Variants in KCNIP4 observed in about 807,000 individuals in gnomAD.
KCNIP4 encodes the protein potassium voltage-gated channel interacting protein 4, also known as Kv channel-interacting protein 4.
A neutral mutation model predicts 34.0 loss-of-function variants in KCNIP4; 12 were observed. That is an observed-to-expected ratio of 0.35 (90% CI 0.23 to 0.57). KCNIP4 has a LOEUF of 0.57. Among genes scored for constraint, KCNIP4 ranks in the 20% least tolerant of loss-of-function variants. The pLI, the probability that KCNIP4 is intolerant of heterozygous loss-of-function variation, is 0.83. For synonymous variants in KCNIP4, 124 were observed against 102.2 expected (o/e 1.21, Z -1.29); for missense variants, 238 against 311.7 (o/e 0.76, Z 1.78).
rs71191521 is a variant in KCNIP4, at chr4:21,569,234, T to TAAAAAAAAAAAAAAAAAAAAAA, written c.61+379315_61+379336dup. Among the ~76,000 whole-genome samples, 8 of 25,186 alleles carry TAAAAAAAAAAAAAAAAAAAAAA rather than the reference T, an allele frequency of 3.2e-4. 1 individual carries two copies. In the East Asian group the frequency reaches 4.2e-3, roughly 13 times the overall value. 16.5% of individuals were successfully genotyped at this position (25,186 alleles called of 152,430 possible). A position where few individuals can be genotyped will look rare whatever the true frequency, so the allele number is the denominator to read the frequency against. On this transcript the variant is annotated intron_variant, in intron 1 of 8. Coordinates refer to ENST00000382152, the MANE Select transcript of KCNIP4 (RefSeq NM_025221.6). ...CCCATGCACTAGGACACTGATATTC[T>TAAAAAAAAAAAAAAAAAAAAAA]AAAAAAAAAAAAAAAAAAAAAAAAA...
intron 1 of KCNIP4, among the ~76,000 whole-genome samples, chr4:21,086,739 A>G (rs750512134): frequency 8.9e-4 from 135 of 152,210 alleles, no homozygotes; most frequent in Non-Finnish European, 1.6e-3. Flanking sequence ...TTCTCCTACC[A>G]TTAAGACCCT....
chr4:21,309,568 A>C (rs1712897858), intron 1 of KCNIP4, among the ~76,000 whole-genome samples: 1 of 152,206 alleles, frequency 6.6e-6, no homozygotes, highest in South Asian at 2.1e-4. Context: ...TGTGTGTAGA[A>C]TAATCACTAT....
chr4:21,148,816 C>T lies in KCNIP4; in HGVS notation c.62-266107G>A, dbSNP rs756333187. Among the ~76,000 whole-genome samples the T allele has an allele frequency of 8.5e-4, 129 of 152,118 alleles. 3 individuals are homozygous for T. The highest frequency in any genetic ancestry group is 2.4e-4 in the Non-Finnish European group (16 of 68,018). ...ATTTGCCAAATCATTTTATTTATCT[C>T]TGAGTGGCAATATGAATGATCAATC... On this transcript the variant is annotated intron_variant, in intron 1 of 8. Transcript: ENST00000382152.
chr4:21,381,636 T>C (rs1017501044), intron 1 of KCNIP4, among the ~76,000 whole-genome samples: 3 of 152,202 alleles, frequency 2.0e-5, no homozygotes, highest in Non-Finnish European at 2.9e-5. Context: ...GATTTATTCT[T>C]AGTTTTAAAA....
chr4:21,610,830 T>A (rs7664005), intron 1 of KCNIP4, among the ~76,000 whole-genome samples: 131,814 of 151,848 alleles, frequency 0.87, 57,488 homozygotes, highest in East Asian at 0.99. Flanking sequence ...TTTTTTTTTT[T>A]AATTATACTT....
chr4:20,768,217 T>C (rs1300892476), intron 3 of KCNIP4, among the ~76,000 whole-genome samples: 4 of 152,172 alleles, frequency 2.6e-5, no homozygotes, highest in African/African-American at 9.7e-5. Context: ...GAATAAATCT[T>C]CAGTCAGTTC....
intron 1 of KCNIP4, among the ~76,000 whole-genome samples, chr4:20,975,456 C>T (rs1735385010): frequency 6.6e-6 from 1 of 152,194 alleles, no homozygotes. Flanking sequence ...GGCATTGACT[C>T]ATTGTATGAC....
intron 1 of KCNIP4, among the ~76,000 whole-genome samples, chr4:21,127,337 C>G (rs567400520): frequency 6.6e-6 from 1 of 152,346 alleles, no homozygotes; most frequent in East Asian, 1.9e-4. Context: ...CCTAATACAT[C>G]ACTTGCCTTT....
At chr4:21,693,901 A>G (rs533667413) in intron 1 of KCNIP4, among the ~76,000 whole-genome samples, 1 of 152,284 alleles carries the variant, frequency 6.6e-6, no homozygotes, top group Non-Finnish European at 1.5e-5. Flanking sequence ...ACATGCCTAT[A>G]ACTTTCAGAC....
chr4:21,119,118 T>C (rs1292330975), intron 1 of KCNIP4, among the ~76,000 whole-genome samples: 1 of 152,066 alleles, frequency 6.6e-6, no homozygotes, highest in Non-Finnish European at 1.5e-5. Context: ...GTGGTGCTAA[T>C]TTGGGTTGCC....
intron 1 of KCNIP4, among the ~76,000 whole-genome samples, chr4:21,678,807 T>C (rs763685927): frequency 5.9e-5 from 9 of 152,198 alleles, no homozygotes; most frequent in Non-Finnish European, 1.3e-4. Flanking sequence ...ATGGACGGAA[T>C]TGTGCCTCCC....
intron 2 of KCNIP4, among the ~76,000 whole-genome samples, chr4:20,875,585 A>C (rs1319406095): frequency 6.6e-6 from 1 of 152,186 alleles, no homozygotes; most frequent in Non-Finnish European, 1.5e-5. Context: ...GAAATACGTA[A>C]ATATTAAATT....
At chr4:21,159,074 G>C (rs1390938308) in intron 1 of KCNIP4, among the ~76,000 whole-genome samples, 1 of 152,140 alleles carries the variant, frequency 6.6e-6, no homozygotes, top group South Asian at 2.1e-4. Flanking sequence ...ACTCACAGCG[G>C]GCATTGTTTA....
intron 3 of KCNIP4, among the ~76,000 whole-genome samples, chr4:20,816,319 T>G (rs1331054587): frequency 6.6e-6 from 1 of 151,170 alleles, no homozygotes; most frequent in African/African-American, 2.4e-5. Flanking sequence ...ACCATTAAAA[T>G]GTCACATGTT....
intron 1 of KCNIP4, among the ~76,000 whole-genome samples, chr4:21,430,548 T>C (rs2109663642): frequency 6.6e-6 from 1 of 152,264 alleles, no homozygotes; most frequent in Non-Finnish European, 1.5e-5. Context: ...CTATGGGTGA[T>C]GCTTCAAAAG....
intron 1 of KCNIP4, among the ~76,000 whole-genome samples, chr4:21,260,034 G>T (rs370811521): frequency 6.6e-6 from 1 of 152,108 alleles, no homozygotes; most frequent in African/African-American, 2.4e-5. Flanking sequence ...ATTTAAAGCT[G>T]AAGATGCATT....
chr4:20,775,815 C>T (rs190381344), intron 3 of KCNIP4, among the ~76,000 whole-genome samples: 191 of 152,224 alleles, frequency 1.3e-3, no homozygotes, highest in African/African-American at 4.4e-3. Flanking sequence ...TAATAAGTCT[C>T]CATTATATTA....
chr4:21,773,755 T>TTTTTTTGTTTG (rs377403469), intron 1 of KCNIP4, among the ~76,000 whole-genome samples: 5 of 137,868 alleles, frequency 3.6e-5, no homozygotes, highest in Admixed American at 6.7e-5. Context: ...GTTTTTTTTT[T>TTTTTTTGTTTG]TTTGTTTGTT....
chr4:21,563,410 T>C (rs931776394), intron 1 of KCNIP4, among the ~76,000 whole-genome samples: 2 of 152,092 alleles, frequency 1.3e-5, no homozygotes, highest in African/African-American at 4.8e-5. Context: ...TTGCTTAACA[T>C]TGCTTAATCT....
Sources: allele counts gnomAD v4.1 joint callset (sites outside exome capture counted in the v4.1 genomes callset), GRCh38; gene constraint gnomAD v4.1.1; transcripts MANE v1.5; gene names NCBI Gene and HGNC (gene_info 2026-07-23, HGNC 2026-07-21).